Variants in AGBL3 observed in about 807,000 individuals in gnomAD.
AGBL3 encodes the protein AGBL carboxypeptidase 3.
A neutral mutation model predicts 94.5 loss-of-function variants in AGBL3; 68 were observed. That is an observed-to-expected ratio of 0.72 (90% CI 0.59 to 0.88). The LOEUF (loss-of-function observed/expected upper bound fraction) is 0.88. AGBL3 is among the 40% of genes least tolerant of loss of function. The pLI is 0.00. For synonymous variants in AGBL3, 354 were observed against 370.7 expected (o/e 0.95, Z 0.52); for missense variants, 934 against 1,103.8 (o/e 0.85, Z 2.18).
chr7:135,072,664 A>C (rs887012181), intron 12 of AGBL3, among the ~76,000 whole-genome samples: 4 of 151,882 alleles, frequency 2.6e-5, no homozygotes, highest in Non-Finnish European at 4.4e-5. Context: ...TATCACAAGG[A>C]CAAAAAACCA....
chr7:135,000,539 G>A (rs770854972), intron 4 of AGBL3, among the ~76,000 whole-genome samples: 4 of 152,144 alleles, frequency 2.6e-5, no homozygotes, highest in African/African-American at 4.8e-5. Context: ...CCAGCTTTCC[G>A]AGTACTACAG....
At chr7:135,020,973 G>A (rs1450971212) in intron 5 of AGBL3, among the ~76,000 whole-genome samples, 1 of 150,294 alleles carries the variant, frequency 6.7e-6, no homozygotes, top group Non-Finnish European at 1.5e-5. Context: ...CGAGTTAATG[G>A]GTGCAGCACA....
intron 12 of AGBL3, among the ~76,000 whole-genome samples, chr7:135,062,370 T>C (rs1818917127): frequency 1.3e-5 from 2 of 152,126 alleles, no homozygotes; most frequent in Non-Finnish European, 2.9e-5. Flanking sequence ...TCTTGTCTAA[T>C]TGCTCTGGCT....
At chr7:135,038,161 CAA>C (rs1816489378) in intron 8 of AGBL3, among the ~76,000 whole-genome samples, 1 of 152,066 alleles carries the variant, frequency 6.6e-6, no homozygotes, top group African/African-American at 2.4e-5. Context: ...GTTAACATAG[CAA>C]AGAAAATTCC....
At chr7:135,102,943 T>A (rs1444247578) in intron 15 of AGBL3, among the ~76,000 whole-genome samples, 3 of 152,114 alleles carry the variant, frequency 2.0e-5, no homozygotes, top group African/African-American at 7.2e-5. Context: ...TCAAAATCAT[T>A]CTCTTTAAAA....
intron 16 of AGBL3, among the ~76,000 whole-genome samples, chr7:135,131,877 A>G (rs1243557583): frequency 6.6e-6 from 1 of 152,188 alleles, no homozygotes; most frequent in African/African-American, 2.4e-5. Flanking sequence ...AAAATCCTGC[A>G]TACATCAAAG....
At chr7:135,046,579 C>T (rs1817381158) in intron 11 of AGBL3, among the ~76,000 whole-genome samples, 2 of 152,054 alleles carry the variant, frequency 1.3e-5, no homozygotes, top group Admixed American at 1.3e-4. Context: ...CAGTATGTGG[C>T]CTTTTCAGAC....
chr7:135,011,497 T>C (rs1813153886), intron 4 of AGBL3: 1 of 145,040 alleles, frequency 6.9e-6, no homozygotes, highest in South Asian at 2.1e-4. Flanking sequence ...TATATTAATA[T>C]TTGCAATACA....
At chr7:135,009,959 T>C (rs1370183626) in intron 4 of AGBL3, 4 of 420,906 alleles carry the variant, frequency 9.5e-6, no homozygotes, top group African/African-American at 6.4e-5. Flanking sequence ...TATGGTGGGT[T>C]GGCGAAAAGT....
At chr7:135,112,841 G>A (rs575175588) in intron 15 of AGBL3, among the ~76,000 whole-genome samples, 2 of 152,162 alleles carry the variant, frequency 1.3e-5, no homozygotes, top group East Asian at 3.9e-4. Flanking sequence ...GCAGTGATGC[G>A]ATCTTGGCTC....
At chr7:135,072,988 G>A (rs1304237396) in intron 12 of AGBL3, among the ~76,000 whole-genome samples, 1 of 152,042 alleles carries the variant, frequency 6.6e-6, no homozygotes, top group African/African-American at 2.4e-5. Context: ...ATGTGTATGT[G>A]TGTGTACATA....
At chr7:135,072,664 A>T (rs887012181) in intron 12 of AGBL3, among the ~76,000 whole-genome samples, 1 of 151,882 alleles carries the variant, frequency 6.6e-6, no homozygotes, top group Admixed American at 6.6e-5. Flanking sequence ...TATCACAAGG[A>T]CAAAAAACCA....
At chr7:135,033,346 C>T (rs1432547996) in intron 6 of AGBL3, among the ~76,000 whole-genome samples, 2 of 152,144 alleles carry the variant, frequency 1.3e-5, no homozygotes, top group Admixed American at 1.3e-4. Context: ...TTTAAACATA[C>T]ACTTAAGTAC....
intron 15 of AGBL3, among the ~76,000 whole-genome samples, chr7:135,111,627 A>C (rs1825651204): frequency 6.6e-6 from 1 of 151,834 alleles, no homozygotes; most frequent in Admixed American, 6.6e-5. Context: ...TAGCTCAATG[A>C]ATATCTGAGT....
At chr7:135,078,345 G>A (rs924672890) in intron 13 of AGBL3, among the ~76,000 whole-genome samples, 5 of 152,162 alleles carry the variant, frequency 3.3e-5, no homozygotes, top group African/African-American at 1.2e-4. Flanking sequence ...AAGGAGTAAT[G>A]CTCCTTTTCC....
At chr7:135,027,720 TAAG>T (rs1815302825) in intron 5 of AGBL3, among the ~76,000 whole-genome samples, 1 of 151,664 alleles carries the variant, frequency 6.6e-6, no homozygotes, top group Admixed American at 6.6e-5. Flanking sequence ...TTGTCTTTAA[TAAG>T]AAGACAGCCA....
At chr7:135,074,758 A>T (rs1222820656) in intron 12 of AGBL3, among the ~76,000 whole-genome samples, 2 of 152,180 alleles carry the variant, frequency 1.3e-5, no homozygotes, top group African/African-American at 4.8e-5. Context: ...CATGCCCACA[A>T]TTCAGGCAGT....
intron 9 of AGBL3, among the ~76,000 whole-genome samples, chr7:135,044,820 G>A (rs1368820645): frequency 1.4e-5 from 2 of 145,918 alleles, no homozygotes; most frequent in Admixed American, 6.9e-5. Flanking sequence ...CCACTAACTC[G>A]TCATCTAGCA....
intron 4 of AGBL3, among the ~76,000 whole-genome samples, chr7:135,008,502 TCTAA>T (rs1370186527): frequency 6.6e-6 from 1 of 152,010 alleles, no homozygotes; most frequent in African/African-American, 2.4e-5. Flanking sequence ...TGGATCAAGA[TCTAA>T]CTAACAGCCT....
Sources: gnomAD v4.1 joint callset for allele counts (sites outside exome capture counted in the v4.1 genomes callset) on GRCh38, gnomAD v4.1.1 for gene constraint, MANE v1.5 for transcripts, NCBI Gene and HGNC (gene_info 2026-07-23, HGNC 2026-07-21) for gene names.